SPRED1: variants seen among roughly 807,000 people sequenced by gnomAD.
SPRED1 encodes the protein sprouty related EVH1 domain containing 1.
Under a neutral mutation model 52.3 loss-of-function variants are expected in SPRED1, and 18 were observed. The observed-to-expected ratio is 0.34, with a 90% CI of 0.24 to 0.51. SPRED1 has a LOEUF of 0.51. Ranked by LOEUF, SPRED1 falls within the 20% of genes least tolerant of loss-of-function variation. SPRED1 has a pLI of 0.97. For missense variants in SPRED1, 485 were observed against 551.0 expected, an observed-to-expected ratio of 0.88 and a Z score of 1.20; for synonymous variants, 155 against 179.7, an observed-to-expected ratio of 0.86 and a Z score of 1.10.
In SPRED1 at chr15:38,354,881, T is replaced by A. The variant is rs1455577379; in HGVS notation, c.*3217T>A. 6.6e-6 allele frequency: 1 copy of A among 152,196 alleles called. No homozygotes were observed. Among genetic ancestry groups the A allele is most frequent in the Non-Finnish European group, 1.5e-5 (1 of 68,032 alleles). The allele number at this position is 152,196 out of a possible 1,614,324, so 9.4% of individuals were successfully genotyped here. A position where few individuals can be genotyped will look rare whatever the true frequency, so the allele number is the denominator to read the frequency against. On this transcript the variant is annotated 3_prime_UTR_variant, in exon 7 of 7. Transcript: ENST00000299084. Reference sequence around the variant, plus strand: ...GCCAGTCAGGGAGAATTTTTAAAAATAATAATCAAAACATGAAAAAACATA... The same window carrying A: ...GCCAGTCAGGGAGAATTTTTAAAAAAAATAATCAAAACATGAAAAAACATA...
intron 1 of SPRED1, among the ~76,000 whole-genome samples, chr15:38,256,567 G>A (rs1894100794): frequency 6.6e-6 from 1 of 152,104 alleles, no homozygotes; most frequent in Non-Finnish European, 1.5e-5. Flanking sequence ...TCAGTATTAG[G>A]CTTTCTAATA....
chr15:38,301,083 C>T (rs1430158615), intron 2 of SPRED1, among the ~76,000 whole-genome samples: 1 of 151,892 alleles, frequency 6.6e-6, no homozygotes, highest in Non-Finnish European at 1.5e-5. Flanking sequence ...AAAGGATGAT[C>T]TAGATGTGAA....
chr15:38,348,961 A>G (rs1896197532), intron 5 of SPRED1, among the ~76,000 whole-genome samples: 1 of 152,074 alleles, frequency 6.6e-6, no homozygotes, highest in Admixed American at 6.6e-5. Context: ...GGTTTTTATT[A>G]TATTCACAAG....
At chr15:38,338,741 T>C (rs1005687132) in intron 4 of SPRED1, among the ~76,000 whole-genome samples, 1 of 152,146 alleles carries the variant, frequency 6.6e-6, no homozygotes, top group Non-Finnish European at 1.5e-5. Flanking sequence ...AATTGAGAAA[T>C]TGAATGCCAA....
chr15:38,314,289 T>TATAATCA (rs1895426615), intron 2 of SPRED1, among the ~76,000 whole-genome samples: 1 of 151,858 alleles, frequency 6.6e-6, no homozygotes. Context: ...TATTCAGATA[T>TATAATCA]GTTACTCTGA....
Position 38,324,562 on chromosome 15 carries a change from A to G in SPRED1, c.377-201A>G, listed in dbSNP as rs139396722. ...TTAGTAAGCAGCTGGAAATTTACCT[A>G]TAGAGGAGGGAAATAATTACATTAT... is the stretch of plus-strand genomic sequence containing the variant. On this transcript the variant is annotated intron_variant, in intron 3 of 6. Coordinates refer to ENST00000299084, the MANE Select transcript of SPRED1 (RefSeq NM_152594.3). Among the ~76,000 whole-genome samples, 418 of 152,266 alleles carry G rather than the reference A, an allele frequency of 2.7e-3. 1 individual carries two copies. The highest frequency in any genetic ancestry group is 6.8e-3 in the Middle Eastern group (2 of 292).
intron 4 of SPRED1, among the ~76,000 whole-genome samples, chr15:38,328,506 GATC>G (rs1411173757): frequency 1.3e-5 from 2 of 152,128 alleles, no homozygotes; most frequent in African/African-American, 4.8e-5. Flanking sequence ...TTTTATAACA[GATC>G]ATCATTTGAA....
chr15:38,286,102 A>G (rs994499022), intron 1 of SPRED1, among the ~76,000 whole-genome samples: 1 of 151,836 alleles, frequency 6.6e-6, no homozygotes, highest in Non-Finnish European at 1.5e-5. Context: ...AAATTTAGCC[A>G]GGTATGGTGG....
Position 38,338,089 on chromosome 15 carries a change from G to A in SPRED1, c.424-1648G>A, listed in dbSNP as rs552979199. 4.7e-5 allele frequency among the ~76,000 whole-genome samples: 7 copies of A among 147,810 alleles called. No individual in the cohort carries two copies. In the South Asian group the frequency reaches 1.5e-3, roughly 32 times the overall value. ...TAGCTGGGCGTGGCGGCGGGCTCCT[G>A]TAATCTCAGCTACTCAGGAGGCTGA... is the stretch of plus-strand genomic sequence containing the variant. On this transcript the variant is annotated intron_variant, in intron 4 of 6. Transcript: ENST00000299084.
rs181438299 is a variant in SPRED1, at chr15:38,300,668, C to T, written c.207+1121C>T. Among the ~76,000 whole-genome samples, 66 of 152,210 alleles carry T rather than the reference C, an allele frequency of 4.3e-4. 1 individual carries two copies. Among genetic ancestry groups the T allele is most frequent in the African/African-American group, 1.6e-3 (66 of 41,546 alleles). ...ACTAATGTTTTATGAGTTTATGATT[C>T]ACCCATGCTACACATTGTATAATGT... On this transcript the variant is annotated intron_variant, in intron 2 of 6. Transcript: ENST00000299084.
Position 38,349,439 on chromosome 15 carries a change from A to G in SPRED1, c.600A>G (p.Pro200=). Residue 200 remains proline (P), a synonymous_variant, in exon 6 of 7, where the codon CCA becomes CCG. Transcript: ENST00000299084. ...TATTTTAGATAACATTTGGTCAGCC[A>G]GGCTTGGACATTCAGAGCAGAAGTA... ...SQANQITFGQ[P]GLDIQSRSME... 1.2e-6 allele frequency: 2 copies of G among 1,612,482 alleles called. No homozygotes were observed. Among genetic ancestry groups the G allele is most frequent in the East Asian group, 2.2e-5 (1 of 44,784 alleles).
At chr15:38,267,605 C>T (rs1281720492) in intron 1 of SPRED1, among the ~76,000 whole-genome samples, 1 of 152,156 alleles carries the variant, frequency 6.6e-6, no homozygotes, top group Non-Finnish European at 1.5e-5. Context: ...AATTAAATGA[C>T]AGCTCATATA....
intron 2 of SPRED1, among the ~76,000 whole-genome samples, chr15:38,307,469 G>T (rs190274229): frequency 6.6e-6 from 1 of 152,274 alleles, no homozygotes; most frequent in Admixed American, 6.5e-5. Flanking sequence ...AAGAGCTCTG[G>T]TGTTTCTTCC....
rs1267861459 is a variant in SPRED1 at position 38,352,519 on chromosome 15, C to T, written c.*855C>T. ...ACACTTATTTTTATATAAAAAGAGA[C>T]TGAGTAAACAAACATTATAGAAAAA... On this transcript the variant is annotated 3_prime_UTR_variant, in exon 7 of 7. Coordinates refer to ENST00000299084, the MANE Select transcript of SPRED1 (RefSeq NM_152594.3). The T allele has an allele frequency of 6.6e-6, 1 of 152,308 alleles. No individual in the cohort carries two copies. Among genetic ancestry groups the T allele is most frequent in the African/African-American group, 2.4e-5 (1 of 41,340 alleles). The allele number at this position is 152,308 out of a possible 1,614,324, so 9.4% of individuals were successfully genotyped here. A position where few individuals can be genotyped will look rare whatever the true frequency, so the allele number is the denominator to read the frequency against.
chr15:38,336,617 A>G (rs1017524928), intron 4 of SPRED1, among the ~76,000 whole-genome samples: 1 of 151,914 alleles, frequency 6.6e-6, no homozygotes, highest in Non-Finnish European at 1.5e-5. Context: ...AAGGAAAGAA[A>G]TAATGGCATT....
At chr15:38,261,648 A>G (rs911062258) in intron 1 of SPRED1, among the ~76,000 whole-genome samples, 30 of 152,152 alleles carry the variant, frequency 2.0e-4, no homozygotes, top group Non-Finnish European at 4.4e-5. Flanking sequence ...ATCTCGGCTC[A>G]CTGCAAGCTC....
At position 38,339,848 on chromosome 15, in the gene SPRED1, G is replaced by A. The variant is rs143121426; in HGVS notation, c.535G>A (p.Glu179Lys). The A allele has an allele frequency of 1.1e-5, 18 of 1,613,788 alleles. No individual in the cohort carries two copies. The highest frequency in any genetic ancestry group is 1.7e-5 in the Admixed American group (1 of 59,966). Residue 179 changes from glutamate to lysine, a missense_variant, in exon 5 of 7, where the codon GAA (glutamate) becomes AAA (lysine). Physicochemically the swap from Glu to Lys is moderately conservative, Grantham distance 56. Around this residue, in one of 5 missense-constraint regions of SPRED1, gnomAD observed 232 missense variants for 231.8 expected, o/e 1.00. Coordinates refer to ENST00000299084, the MANE Select transcript of SPRED1 (RefSeq NM_152594.3). ...RSSNIRPSPF[E>K]DLNARRVYMQ... ...CTCAAATATAAGACCTTCTCCCTTT[G>A]AAGATCTGAATGCCAGAAGAGTCTA...
At chr15:38,339,609 A>C (rs544963512) in intron 4 of SPRED1, 128 bp from the exon 5 acceptor site, 1 of 901,796 alleles carries the variant, frequency 1.1e-6, no homozygotes. Context: ...GGGAATTGCT[A>C]TTCATAGCGA....
At chr15:38,291,044 A>T (rs574733613) in intron 1 of SPRED1, among the ~76,000 whole-genome samples, 2 of 152,328 alleles carry the variant, frequency 1.3e-5, no homozygotes, top group African/African-American at 4.8e-5. Context: ...GTGAGCCTGT[A>T]AAATCAAAAG....
Sources: gnomAD v4.1 joint callset for allele counts (sites outside exome capture counted in the v4.1 genomes callset) on GRCh38, gnomAD v4.1.1 for gene constraint, gnomAD v4.1.1 regional missense constraint, MANE v1.5 for transcripts, NCBI Gene and HGNC (gene_info 2026-07-23, HGNC 2026-07-21) for gene names.